EPHA6: variants seen among roughly 807,000 people sequenced by gnomAD.
The protein encoded by EPHA6 is ephrin type-A receptor 6.
EPHA6 carries 50 observed loss-of-function variants against 112.0 expected under a neutral mutation model. The ratio of observed to expected loss-of-function variants is 0.45; its 90% CI spans 0.36 to 0.56. The LOEUF is 0.56. Among genes scored for constraint, EPHA6 ranks in the 20% least tolerant of loss-of-function variants. The pLI is 0.00. For missense variants in EPHA6, 1,280 were observed against 1,417.4 expected (o/e 0.90, Z 1.56); for synonymous variants, 529 against 490.7 (o/e 1.08, Z -1.03).
intron 3 of EPHA6, among the ~76,000 whole-genome samples, chr3:97,122,958 C>T (rs969015213): frequency 1.3e-5 from 2 of 151,944 alleles, no homozygotes; most frequent in Non-Finnish European, 2.9e-5. Flanking sequence ...TTGTTTAGAT[C>T]TCTTTGTATA....
At chr3:97,014,189 A>G (rs2044186518) in intron 3 of EPHA6, among the ~76,000 whole-genome samples, 3 of 152,192 alleles carry the variant, frequency 2.0e-5, no homozygotes, top group Non-Finnish European at 4.4e-5. Context: ...AGCGATAGAT[A>G]GGTCAATAGA....
intron 3 of EPHA6, among the ~76,000 whole-genome samples, chr3:97,026,445 G>A (rs1485530858): frequency 6.6e-6 from 1 of 152,102 alleles, no homozygotes; most frequent in Non-Finnish European, 1.5e-5. Flanking sequence ...GCAGTGGTTT[G>A]TAGTTCTCCT....
intron 3 of EPHA6, among the ~76,000 whole-genome samples, chr3:97,093,516 C>G (rs2047138543): frequency 6.6e-6 from 1 of 151,952 alleles, no homozygotes; most frequent in Non-Finnish European, 1.5e-5. Flanking sequence ...TGTAACTGCA[C>G]TCCAGCCTGG....
chr3:97,548,390 C>T (rs894900419), intron 11 of EPHA6, among the ~76,000 whole-genome samples: 2 of 152,178 alleles, frequency 1.3e-5, no homozygotes, highest in African/African-American at 4.8e-5. Context: ...TAGATTACTA[C>T]ACTATAAAGT....
chr3:96,891,283 G>A (rs1324840739), intron 2 of EPHA6, among the ~76,000 whole-genome samples: 1 of 152,118 alleles, frequency 6.6e-6, no homozygotes, highest in South Asian at 2.1e-4. Flanking sequence ...TTTTTATACA[G>A]CACTATAGAT....
intron 3 of EPHA6, among the ~76,000 whole-genome samples, chr3:97,132,990 T>TA (rs922149558): frequency 1.3e-5 from 2 of 152,058 alleles, no homozygotes; most frequent in Non-Finnish European, 2.9e-5. Flanking sequence ...ATAACAGTGC[T>TA]AAAAAATGTC....
intron 2 of EPHA6, among the ~76,000 whole-genome samples, chr3:96,980,908 GA>G (rs2107816531): frequency 6.6e-6 from 1 of 152,316 alleles, no homozygotes; most frequent in Non-Finnish European, 1.5e-5. Context: ...TTTGTATCCT[GA>G]GACTTTGCTG....
chr3:96,912,198 G>C (rs2039253661), intron 2 of EPHA6, among the ~76,000 whole-genome samples: 2 of 151,952 alleles, frequency 1.3e-5, no homozygotes, highest in South Asian at 4.1e-4. Context: ...CAATTGAATA[G>C]GATTATAAAT....
chr3:96,975,885 T>C (rs1328260266), intron 2 of EPHA6, among the ~76,000 whole-genome samples: 2 of 152,170 alleles, frequency 1.3e-5, no homozygotes, highest in Non-Finnish European at 2.9e-5. Flanking sequence ...ATTTGATTTA[T>C]TTAACTCTTT....
intron 3 of EPHA6, among the ~76,000 whole-genome samples, chr3:97,056,972 A>T (rs2045874477): frequency 6.6e-6 from 1 of 152,184 alleles, no homozygotes; most frequent in Non-Finnish European, 1.5e-5. Context: ...CACTTCCCAT[A>T]AGAAAATTTG....
chr3:97,079,453 G>A (rs994418531), intron 3 of EPHA6, among the ~76,000 whole-genome samples: 2 of 152,006 alleles, frequency 1.3e-5, no homozygotes, highest in East Asian at 3.9e-4. Flanking sequence ...ATCAGAGGGT[G>A]GAAGGTGGGA....
intron 10 of EPHA6, among the ~76,000 whole-genome samples, chr3:97,522,042 G>A (rs969673463): frequency 6.6e-6 from 1 of 151,744 alleles, no homozygotes; most frequent in African/African-American, 2.4e-5. Flanking sequence ...TCCCACCTCA[G>A]CCTTCTGAGT....
At position 97,635,643 on chromosome 3, in the gene EPHA6, G is replaced by A. The variant is rs565304483; in HGVS notation, c.2575-2230G>A. ...GACTACTGGTTGCCCGGGGTGGTGG[G>A]AGGAGTTAGGAGAAGTGAGGAGTTA... On this transcript the variant is annotated intron_variant, in intron 13 of 17. Transcript: ENST00000389672. Among the ~76,000 whole-genome samples the A allele has an allele frequency of 1.3e-5, 2 of 152,182 alleles. 1 individual carries two copies. The highest frequency in any genetic ancestry group is 3.9e-4 in the East Asian group (2 of 5,158).
chr3:97,354,144 A>G (rs1411077018), intron 5 of EPHA6, among the ~76,000 whole-genome samples: 1 of 152,168 alleles, frequency 6.6e-6, no homozygotes, highest in Non-Finnish European at 1.5e-5. Flanking sequence ...ATTCCCTTTG[A>G]ATACCTGGAA....
At chr3:97,157,697 G>C (rs1415660858) in intron 3 of EPHA6, among the ~76,000 whole-genome samples, 1 of 152,076 alleles carries the variant, frequency 6.6e-6, no homozygotes, top group African/African-American at 2.4e-5. Context: ...TGATATTTCA[G>C]TCTGAGCCCA....
chr3:97,315,458 G>A (rs899347086), intron 5 of EPHA6, among the ~76,000 whole-genome samples: 18 of 151,810 alleles, frequency 1.2e-4, no homozygotes, highest in African/African-American at 4.1e-4. Context: ...CTCAGAAAAA[G>A]AAGTGTGAAT....
chr3:97,039,372 G>A (rs1223938888), intron 3 of EPHA6, among the ~76,000 whole-genome samples: 1 of 152,056 alleles, frequency 6.6e-6, no homozygotes, highest in Non-Finnish European at 1.5e-5. Context: ...TGGTTCATCG[G>A]AATTTCAATT....
At chr3:97,472,323 G>C (rs1039131207) in intron 7 of EPHA6, among the ~76,000 whole-genome samples, 2 of 151,584 alleles carry the variant, frequency 1.3e-5, no homozygotes, top group Admixed American at 6.6e-5. Flanking sequence ...GGGAACATCT[G>C]TCTGGGGACC....
At chr3:97,017,872 C>T (rs1035702721) in intron 3 of EPHA6, among the ~76,000 whole-genome samples, 1 of 151,934 alleles carries the variant, frequency 6.6e-6, no homozygotes, top group African/African-American at 2.4e-5. Context: ...TTTGAATAAA[C>T]TTTCTATGCC....
Sources: gnomAD v4.1 joint callset for allele counts (sites outside exome capture counted in the v4.1 genomes callset) on GRCh38, gnomAD v4.1.1 for gene constraint, MANE v1.5 for transcripts, NCBI Gene and HGNC (gene_info 2026-07-23, HGNC 2026-07-21) for gene names.